SFMBT2: variants seen among roughly 807,000 people sequenced by gnomAD.
SFMBT2 encodes scm-like with four MBT domains protein 2.
SFMBT2 carries 38 observed loss-of-function variants against 110.1 expected under a neutral mutation model. The observed-to-expected ratio is 0.35, with a 90% CI of 0.27 to 0.45. SFMBT2 has a LOEUF of 0.45. Among genes scored for constraint, SFMBT2 ranks in the 20% least tolerant of loss-of-function variants. The pLI is 1.00. For synonymous variants in SFMBT2, 425 were observed against 425.4 expected, an observed-to-expected ratio of 1.00 and a Z score of 0.01; for missense variants, 1,011 against 1,094.9, an observed-to-expected ratio of 0.92 and a Z score of 1.08.
At chr10:7,176,449 T>C (rs976440644) in intron 16 of SFMBT2, 1 of 982,740 alleles carries the variant, frequency 1.0e-6, no homozygotes, top group African/African-American at 1.7e-5. Flanking sequence ...ATACCAAAGA[T>C]GAGCGGTGCG....
At chr10:7,317,742 T>C (rs561226456) in intron 4 of SFMBT2, among the ~76,000 whole-genome samples, 2 of 151,876 alleles carry the variant, frequency 1.3e-5, no homozygotes, top group Non-Finnish European at 2.9e-5. Flanking sequence ...CAGATCCTTG[T>C]GTGAACCTGC....
intron 7 of SFMBT2, among the ~76,000 whole-genome samples, chr10:7,260,613 C>A (rs991147120): frequency 6.6e-6 from 1 of 152,114 alleles, no homozygotes; most frequent in African/African-American, 2.4e-5. Context: ...CAAATCTCTC[C>A]CTAAGCCAAT....
chr10:7,365,839 G>A (rs1844876761), intron 4 of SFMBT2, among the ~76,000 whole-genome samples: 1 of 152,212 alleles, frequency 6.6e-6, no homozygotes, highest in Non-Finnish European at 1.5e-5. Flanking sequence ...GGGGGAGAAT[G>A]GGGAGTGACT....
intron 11 of SFMBT2, among the ~76,000 whole-genome samples, chr10:7,216,664 A>G (rs1813102245): frequency 6.6e-6 from 1 of 152,120 alleles, no homozygotes; most frequent in South Asian, 2.1e-4. Flanking sequence ...TCCTCGTTTA[A>G]GCAAAGTTTG....
At chr10:7,220,590 G>C (rs541497379) in intron 10 of SFMBT2, 53 bp from the exon 11 acceptor site, 15 of 1,604,352 alleles carry the variant, frequency 9.3e-6, no homozygotes, top group Non-Finnish European at 1.2e-5. Flanking sequence ...GCAGGACAAA[G>C]CTGGGCAGAT....
intron 11 of SFMBT2, chr10:7,206,176 G>C: frequency 1.0e-6 from 1 of 985,366 alleles, no homozygotes; most frequent in Non-Finnish European, 1.2e-6. Flanking sequence ...ACGAAGGTTT[G>C]GAAAAAGAGA....
In SFMBT2 at chr10:7,393,749, C is replaced by T. The variant is rs532773481; in HGVS notation, c.-51-11800G>A. On this transcript the variant is annotated intron_variant, in intron 1 of 20. Coordinates refer to ENST00000397167, the MANE Select transcript of SFMBT2 (RefSeq NM_001387889.1). ...GGGAGGTGTACGGGATTCACGTGTC[C>T]AACTACACGGTGGAAGGGGCATGCC... Among the ~76,000 whole-genome samples the T allele has an allele frequency of 4.6e-5, 7 of 152,244 alleles. No homozygotes were observed. In the East Asian group the frequency reaches 5.8e-4, roughly 13 times the overall value.
At chr10:7,271,130 C>CA (rs746147215) in intron 7 of SFMBT2, among the ~76,000 whole-genome samples, 1 of 151,524 alleles carries the variant, frequency 6.6e-6, no homozygotes, top group African/African-American at 2.4e-5. Flanking sequence ...ACTAAAAATA[C>CA]AAAAAACATT....
intron 1 of SFMBT2, among the ~76,000 whole-genome samples, chr10:7,389,205 G>A (rs531199175): frequency 6.6e-6 from 1 of 152,180 alleles, no homozygotes; most frequent in East Asian, 1.9e-4. Flanking sequence ...CCACTTCACA[G>A]GAATTTCTAT....
intron 4 of SFMBT2, among the ~76,000 whole-genome samples, chr10:7,346,469 T>C (rs953788447): frequency 2.6e-5 from 4 of 152,170 alleles, no homozygotes; most frequent in Non-Finnish European, 1.5e-5. Flanking sequence ...GTAACATCCA[T>C]CTCTTTAAAC....
At chr10:7,165,846 G>A (rs1837680535) in intron 20 of SFMBT2, among the ~76,000 whole-genome samples, 1 of 152,234 alleles carries the variant, frequency 6.6e-6, no homozygotes, top group Admixed American at 6.5e-5. Flanking sequence ...AGAAAAGGCT[G>A]ATTGCAGCTG....
chr10:7,194,518 A>C (rs1386477280), intron 15 of SFMBT2, among the ~76,000 whole-genome samples: 4 of 152,168 alleles, frequency 2.6e-5, no homozygotes, highest in African/African-American at 7.2e-5. Context: ...CTACACATAA[A>C]GTGTTCAAGT....
intron 11 of SFMBT2, chr10:7,207,594 C>T (rs965668476): frequency 1.0e-6 from 1 of 983,668 alleles, no homozygotes; most frequent in African/African-American, 1.7e-5. Flanking sequence ...AGCCCCATTA[C>T]CATCCAAGTC....
intron 20 of SFMBT2, among the ~76,000 whole-genome samples, chr10:7,167,363 T>C (rs528947786): frequency 1.3e-5 from 2 of 152,310 alleles, no homozygotes; most frequent in African/African-American, 4.8e-5. Flanking sequence ...TTATGGAGTA[T>C]AGATTTTTTA....
intron 10 of SFMBT2, among the ~76,000 whole-genome samples, chr10:7,222,138 T>C (rs1446497580): frequency 6.6e-6 from 1 of 152,244 alleles, no homozygotes; most frequent in Non-Finnish European, 1.5e-5. Flanking sequence ...TTTCACTTAG[T>C]ATAATACACT....
In SFMBT2 at chr10:7,367,752, G is replaced by A. The variant is rs113302721; in HGVS notation, c.333C>T (p.Tyr111=). 3.5e-5 allele frequency: 57 copies of A among 1,613,994 alleles called. No individual in the cohort carries two copies. In the Admixed American group the frequency reaches 4.2e-4, roughly 12 times the overall value. Residue 111 remains tyrosine, a synonymous_variant, in exon 4 of 21, where the codon TAC becomes TAT. Transcript: ENST00000397167. The surrounding 1 kb of genome is among the most constrained non-coding windows in gnomAD (Gnocchi z 6.2). ...AGAAGTCGGCCCTGCGGTCCTCCCC[G>A]TAACCGCAGTAGCGCAGAAGCAGCA... The part of the protein sequence containing the change: ...GQLLLLRYCG[Y]GEDRRADFWC...
At chr10:7,375,580 T>C (rs1845177810) in intron 2 of SFMBT2, among the ~76,000 whole-genome samples, 2 of 152,198 alleles carry the variant, frequency 1.3e-5, no homozygotes, top group Non-Finnish European at 2.9e-5. Flanking sequence ...AGTATATTCA[T>C]TGGAAGCATC....
intron 15 of SFMBT2, among the ~76,000 whole-genome samples, chr10:7,189,729 C>G (rs1172269794): frequency 6.6e-6 from 1 of 152,178 alleles, no homozygotes; most frequent in African/African-American, 2.4e-5. Flanking sequence ...GCAGGCCGTC[C>G]GGGTGCGGAA....
chr10:7,253,637 G>A (rs1031699599), intron 7 of SFMBT2, among the ~76,000 whole-genome samples: 1 of 152,126 alleles, frequency 6.6e-6, no homozygotes, highest in Non-Finnish European at 1.5e-5. Flanking sequence ...GAAAAGAGAA[G>A]CCAGACATTC....
Sources: allele counts gnomAD v4.1 joint callset (sites outside exome capture counted in the v4.1 genomes callset), GRCh38; gene constraint gnomAD v4.1.1; non-coding constraint Gnocchi (gnomAD v3.1); transcripts MANE v1.5; gene names NCBI Gene and HGNC (gene_info 2026-07-23, HGNC 2026-07-21).